The following SPAG16 variants were observed in gnomAD, a reference collection of about 807,000 sequenced individuals.
SPAG16 encodes sperm-associated antigen 16 protein.
In SPAG16, 86 loss-of-function variants were observed where a neutral mutation model predicts 80.4. The ratio of observed to expected loss-of-function variants is 1.07; its 90% CI spans 0.90 to 1.28. The LOEUF (loss-of-function observed/expected upper bound fraction) is 1.28, where lower values mean the gene tolerates loss of function less well. Ranked by LOEUF, SPAG16 falls within the 50% of genes most tolerant of loss-of-function variation. The pLI is 0.00. For synonymous variants in SPAG16, 294 were observed against 265.9 expected, an observed-to-expected ratio of 1.11 and a Z score of -1.03; for missense variants, 870 against 765.3, an observed-to-expected ratio of 1.14 and a Z score of -1.61.
intron 15 of SPAG16, among the ~76,000 whole-genome samples, chr2:214,346,370 G>A (rs184045522): frequency 6.6e-6 from 1 of 152,130 alleles, no homozygotes. Context: ...GACTATCTTG[G>A]TATTCTCTAT....
At chr2:214,061,162 G>A (rs909882392) in intron 13 of SPAG16, among the ~76,000 whole-genome samples, 2 of 152,268 alleles carry the variant, frequency 1.3e-5, no homozygotes, top group East Asian at 3.9e-4. Context: ...ATTTAGCAGA[G>A]TACTAATCAA....
intron 11 of SPAG16, among the ~76,000 whole-genome samples, chr2:213,874,196 C>T (rs1362699086): frequency 6.6e-6 from 1 of 152,128 alleles, no homozygotes; most frequent in Non-Finnish European, 1.5e-5. Context: ...CTCTACACTA[C>T]TGTAGACTAT....
chr2:213,697,234 G>A (rs559808163), intron 10 of SPAG16, among the ~76,000 whole-genome samples: 12 of 152,216 alleles, frequency 7.9e-5, no homozygotes, highest in Non-Finnish European at 1.5e-4. Flanking sequence ...AAAGAGGTAG[G>A]GCTGGAGGCC....
chr2:213,623,976 A>G (rs1004334896), intron 10 of SPAG16, among the ~76,000 whole-genome samples: 4 of 152,122 alleles, frequency 2.6e-5, no homozygotes, highest in Admixed American at 2.6e-4. Flanking sequence ...ATTAAGTTAA[A>G]CACAATTTAT....
At chr2:213,372,721 A>G (rs1350515595) in intron 8 of SPAG16, among the ~76,000 whole-genome samples, 1 of 152,072 alleles carries the variant, frequency 6.6e-6, no homozygotes, top group African/African-American at 2.4e-5. Context: ...TCTAGGGTAA[A>G]TTATAGACAA....
At chr2:213,459,641 C>A (rs2072244144) in intron 9 of SPAG16, among the ~76,000 whole-genome samples, 1 of 152,188 alleles carries the variant, frequency 6.6e-6, no homozygotes, top group Admixed American at 6.5e-5. Flanking sequence ...GTTTCAATTT[C>A]TTTGCTTTCT....
intron 15 of SPAG16, among the ~76,000 whole-genome samples, chr2:214,181,732 T>G (rs1193255223): frequency 6.6e-6 from 1 of 151,858 alleles, no homozygotes; most frequent in Non-Finnish European, 1.5e-5. Context: ...AGATGTAAAA[T>G]TGTATATTTT....
At chr2:214,024,419 A>G (rs1180253889) in intron 13 of SPAG16, among the ~76,000 whole-genome samples, 1 of 151,698 alleles carries the variant, frequency 6.6e-6, no homozygotes, top group African/African-American at 2.4e-5. Context: ...TAGATGATTT[A>G]ATTCCTTTTG....
chr2:213,528,138 C>T (rs992957732), intron 10 of SPAG16, among the ~76,000 whole-genome samples: 1 of 152,090 alleles, frequency 6.6e-6, no homozygotes, highest in Non-Finnish European at 1.5e-5. Context: ...CCTATGTTTT[C>T]AACGGGCGCC....
chr2:213,972,019 A>G (rs1559643759), intron 12 of SPAG16, among the ~76,000 whole-genome samples: 1 of 151,782 alleles, frequency 6.6e-6, no homozygotes, highest in Non-Finnish European at 1.5e-5. Flanking sequence ...ATACAGGCAT[A>G]CAATGTATAA....
At chr2:213,956,829 T>G (rs1283100766) in intron 12 of SPAG16, among the ~76,000 whole-genome samples, 1 of 152,174 alleles carries the variant, frequency 6.6e-6, no homozygotes, top group Non-Finnish European at 1.5e-5. Context: ...AGTTTTGGTA[T>G]GTTGCATTTC....
intron 12 of SPAG16, among the ~76,000 whole-genome samples, chr2:213,973,570 T>C (rs894884706): frequency 1.5e-4 from 23 of 151,850 alleles, no homozygotes; most frequent in African/African-American, 5.5e-4. Context: ...AGCAAAGCCA[T>C]GGAGAGGTGT....
intron 9 of SPAG16, among the ~76,000 whole-genome samples, chr2:213,425,281 C>T (rs940989296): frequency 3.9e-5 from 6 of 152,174 alleles, no homozygotes; most frequent in Admixed American, 6.5e-5. Flanking sequence ...GATCACACCA[C>T]TGCACTCCAA....
intron 10 of SPAG16, among the ~76,000 whole-genome samples, chr2:213,535,579 T>C (rs1559230485): frequency 6.6e-6 from 1 of 152,172 alleles, no homozygotes; most frequent in Non-Finnish European, 1.5e-5. Flanking sequence ...ACCTTAAATG[T>C]ATTTTGTATA....
At chr2:213,645,497 T>G (rs2062787569) in intron 10 of SPAG16, among the ~76,000 whole-genome samples, 1 of 152,158 alleles carries the variant, frequency 6.6e-6, no homozygotes, top group Admixed American at 6.5e-5. Flanking sequence ...GTCCCTTCCT[T>G]CAAGGCAGTG....
At chr2:213,783,528 T>C (rs1264673800) in intron 10 of SPAG16, among the ~76,000 whole-genome samples, 2 of 124,346 alleles carry the variant, frequency 1.6e-5, no homozygotes, top group Non-Finnish European at 3.4e-5. Flanking sequence ...GACAAAAAAA[T>C]ATATACGTAT....
At chr2:213,323,617 G>A (rs1414272534) in intron 5 of SPAG16, among the ~76,000 whole-genome samples, 1 of 152,100 alleles carries the variant, frequency 6.6e-6, no homozygotes, top group East Asian at 1.9e-4. Flanking sequence ...TCCCACTCCT[G>A]GGTATTTATT....
chr2:213,407,997 G>A (rs1266236668), intron 9 of SPAG16, among the ~76,000 whole-genome samples: 2 of 141,012 alleles, frequency 1.4e-5, no homozygotes, highest in African/African-American at 5.3e-5. Context: ...GAGAGAGGCA[G>A]AGAGAGACAG....
At chr2:214,246,231 A>C (rs1158855060) in intron 15 of SPAG16, among the ~76,000 whole-genome samples, 1 of 146,028 alleles carries the variant, frequency 6.8e-6, no homozygotes, top group Non-Finnish European at 1.5e-5. Context: ...TTACAAACGC[A>C]CAAATTATGA....
Sources: allele counts gnomAD v4.1 joint callset (sites outside exome capture counted in the v4.1 genomes callset), GRCh38; gene constraint gnomAD v4.1.1; transcripts MANE v1.5; gene names NCBI Gene and HGNC (gene_info 2026-07-23, HGNC 2026-07-21).